The following LRRN2 variants were observed in gnomAD, a reference collection of about 807,000 sequenced individuals.
LRRN2 encodes the protein leucine rich repeat neuronal 2, also known as leucine-rich repeat neuronal protein 2.
In LRRN2, 10 loss-of-function variants were observed where a neutral mutation model predicts 35.7. The observed-to-expected ratio is 0.28, with a 90% confidence interval of 0.17 to 0.47. LRRN2 has a LOEUF of 0.47. Among genes scored for constraint, LRRN2 ranks in the 20% least tolerant of loss-of-function variants. The probability of loss-of-function intolerance (pLI) is 0.99; values close to 1 mark genes in which losing one functional copy is unlikely to be tolerated. For missense variants in LRRN2, 731 were observed against 940.3 expected (o/e 0.78, Z 2.91); for synonymous variants, 391 against 409.6 (o/e 0.95, Z 0.55).
intron 1 of LRRN2, among the ~76,000 whole-genome samples, chr1:204,672,603 G>T (rs1668737337): frequency 6.6e-6 from 1 of 152,218 alleles, no homozygotes; most frequent in South Asian, 2.1e-4. Context: ...CATGGAGGCT[G>T]ATAGAAGAAC....
Position 204,617,522 on chromosome 1 carries a change from GA to G in LRRN2, c.*328del. The G allele has an allele frequency of 2.9e-6, 1 of 340,034 alleles. No individual in the cohort carries two copies. Among genetic ancestry groups the G allele is most frequent in the Non-Finnish European group, 5.4e-6 (1 of 184,058 alleles). 21.1% of individuals were successfully genotyped at this position (340,034 alleles called of 1,614,324 possible). On this transcript the variant is annotated 3_prime_UTR_variant, in exon 2 of 2. Coordinates refer to ENST00000367177, the MANE Select transcript of LRRN2 (RefSeq NM_201630.2). ...AGAAGAGGAAGGGGTGCAGCCCGGG[GA>G]CACAGGTAGGGGACAGCCAAGCCAG...
chr1:204,639,130 G>A (rs1462025369), intron 1 of LRRN2, among the ~76,000 whole-genome samples: 1 of 152,228 alleles, frequency 6.6e-6, no homozygotes, highest in African/African-American at 2.4e-5. Context: ...GGTCAGCCTG[G>A]CTTGATGGAG....
chr1:204,659,291 A>G (rs1668420163), intron 1 of LRRN2, among the ~76,000 whole-genome samples: 1 of 152,202 alleles, frequency 6.6e-6, no homozygotes, highest in Non-Finnish European at 1.5e-5. Flanking sequence ...GCTTAGCAAC[A>G]TCCACAATGG....
chr1:204,670,511 G>A (rs1369042618), intron 1 of LRRN2, among the ~76,000 whole-genome samples: 1 of 152,184 alleles, frequency 6.6e-6, no homozygotes, highest in African/African-American at 2.4e-5. Context: ...CTAGGAAGCT[G>A]GGTGTCATCT....
In LRRN2 at chr1:204,618,691, C is replaced by T. The variant is rs777855519; in HGVS notation, c.1302G>A (p.Gln434=). 3 of 1,599,396 alleles carry T rather than the reference C, an allele frequency of 1.9e-6. No homozygotes were observed. Among genetic ancestry groups the T allele is most frequent in the African/African-American group, 2.7e-5 (2 of 74,784 alleles). ...ISPRSFPPSL[Q]VASGESMVLH... is the part of the protein sequence containing the mutation. ...GCACCATGCTCTCTCCACTGGCTAC[C>T]TGGAGGCTTGGGGGGAAGCTTCGTG... The change falls in exon 2 of 2, where the codon CAG becomes CAA. Residue 434 remains glutamine, a synonymous_variant. Coordinates refer to ENST00000367177, the MANE Select transcript of LRRN2 (RefSeq NM_201630.2).
rs189983574 is a variant in LRRN2 at position 204,652,778 on chromosome 1, T to C, written c.-227+32542A>G. On this transcript the variant is annotated intron_variant, in intron 1 of 1. Coordinates refer to ENST00000367177, the MANE Select transcript of LRRN2 (RefSeq NM_201630.2). ...AGGGTGGAGCCCGGACACCTGCAGA[T>C]TGAACAGCTTCCAAGCAGGTGATTC... is the stretch of plus-strand genomic sequence containing the variant. Among the ~76,000 whole-genome samples the C allele has an allele frequency of 3.5e-4, 53 of 152,278 alleles. 2 individuals carry two copies. Among genetic ancestry groups the C allele is most frequent in the Admixed American group, 1.8e-3 (27 of 15,300 alleles).
At position 204,619,008 on chromosome 1, in the gene LRRN2, G is replaced by A. The variant is rs745491741; in HGVS notation, c.985C>T (p.Arg329Cys). The A allele has an allele frequency of 6.9e-5, 111 of 1,611,092 alleles. 1 individual carries two copies. The highest frequency in any genetic ancestry group is 4.2e-4 in the South Asian group (38 of 90,854). Residue 329 changes from arginine (R) to cysteine (C), a missense_variant, in exon 2 of 2, where the codon CGC becomes TGC. By Grantham distance (180) the Arg-to-Cys change is radical. Around this residue, in one of 3 missense-constraint regions of LRRN2, gnomAD observed 256 missense variants for 392.4 expected, o/e 0.65. Transcript: ENST00000367177. ...NNPRLSFIHPRAFHHLPQMET... is the reference protein window; with the variant it reads ...NNPRLSFIHPCAFHHLPQMET... ...ATCTGGGGCAGGTGGTGGAAGGCGCGGGGGTGGATGAAGGACAGCCGTGGG... is the reference window on the plus strand; with the variant it reads ...ATCTGGGGCAGGTGGTGGAAGGCGCAGGGGTGGATGAAGGACAGCCGTGGG...
At chr1:204,683,304 C>T (rs1052412870) in intron 1 of LRRN2, among the ~76,000 whole-genome samples, 1 of 152,108 alleles carries the variant, frequency 6.6e-6, no homozygotes, top group African/African-American at 2.4e-5. Context: ...CTGCAGTTTA[C>T]AGGAGAAGCA....
At chr1:204,628,557 TG>T in intron 1 of LRRN2, 1 of 152,388 alleles carries the variant, frequency 6.6e-6, no homozygotes, top group Admixed American at 6.5e-5. Context: ...CACATTTCCC[TG>T]GGGGCGCTTC....
At chr1:204,657,061 T>C (rs1558417627) in intron 1 of LRRN2, among the ~76,000 whole-genome samples, 1 of 152,138 alleles carries the variant, frequency 6.6e-6, no homozygotes, top group Non-Finnish European at 1.5e-5. Flanking sequence ...TCCCAGCACT[T>C]TGAGAACCGA....
intron 1 of LRRN2, among the ~76,000 whole-genome samples, chr1:204,663,465 C>A (rs1402969616): frequency 1.3e-5 from 2 of 152,168 alleles, no homozygotes; most frequent in Non-Finnish European, 2.9e-5. Flanking sequence ...ATAGTGGCAG[C>A]CATCACAGGC....
intron 1 of LRRN2, among the ~76,000 whole-genome samples, chr1:204,676,139 C>T (rs1349768173): frequency 1.3e-5 from 2 of 148,872 alleles, no homozygotes; most frequent in African/African-American, 5.0e-5. Context: ...TACATGGAGC[C>T]GTGTGTGTGT....
rs60084787 is a variant in LRRN2 at position 204,671,403 on chromosome 1, T to TTGTG, written c.-227+13913_-227+13916dup. On this transcript the variant is annotated intron_variant, in intron 1 of 1. Coordinates refer to ENST00000367177, the MANE Select transcript of LRRN2 (RefSeq NM_201630.2). ...TAGAAGTAGCAATCTGTTTGTGTGT[T>TTGTG]TGTGTGTGTGTGTGTGTGTGTGTGT... 1.2e-3 allele frequency among the ~76,000 whole-genome samples: 145 copies of TTGTG among 122,982 alleles called. 1 individual carries two copies. The highest frequency in any genetic ancestry group is 8.2e-3 in the Middle Eastern group (2 of 244). 80.7% of individuals were successfully genotyped at this position (122,982 alleles called of 152,430 possible). A position where few individuals can be genotyped will look rare whatever the true frequency, so the allele number is the denominator to read the frequency against.
At chr1:204,645,892 A>T (rs990071355) in intron 1 of LRRN2, among the ~76,000 whole-genome samples, 2 of 152,154 alleles carry the variant, frequency 1.3e-5, no homozygotes, top group African/African-American at 4.8e-5. Context: ...AATTACCACC[A>T]CTTGGTCCCA....
chr1:204,654,810 A>G (rs992865362), intron 1 of LRRN2, among the ~76,000 whole-genome samples: 4 of 152,180 alleles, frequency 2.6e-5, no homozygotes, highest in Admixed American at 6.5e-5. Flanking sequence ...CTCCACCCTC[A>G]ATAACATTAC....
chr1:204,647,826 G>A (rs1668143503), intron 1 of LRRN2, among the ~76,000 whole-genome samples: 2 of 152,122 alleles, frequency 1.3e-5, no homozygotes, highest in South Asian at 4.1e-4. Context: ...GAGATGTGCT[G>A]GACATGTAAA....
chr1:204,647,736 C>T (rs1668141150), intron 1 of LRRN2, among the ~76,000 whole-genome samples: 1 of 152,144 alleles, frequency 6.6e-6, no homozygotes, highest in Non-Finnish European at 1.5e-5. Flanking sequence ...GGAGCAGTAT[C>T]AAGAACAAAG....
intron 1 of LRRN2, chr1:204,682,820 T>C (rs1668983312): frequency 6.6e-6 from 1 of 152,178 alleles, no homozygotes; most frequent in Non-Finnish European, 1.5e-5. Context: ...ACCTGGCATG[T>C]TAGAGGTCAC....
chr1:204,683,451 AAGG>A (rs1196517232), intron 1 of LRRN2, among the ~76,000 whole-genome samples: 2 of 151,068 alleles, frequency 1.3e-5, no homozygotes, highest in Non-Finnish European at 2.9e-5. Context: ...AGAGTGAAGG[AAGG>A]AGAGGAGGAT....
Sources: allele counts gnomAD v4.1 joint callset (sites outside exome capture counted in the v4.1 genomes callset), GRCh38; gene constraint gnomAD v4.1.1; regional missense constraint gnomAD v4.1.1; transcripts MANE v1.5; gene names NCBI Gene and HGNC (gene_info 2026-07-23, HGNC 2026-07-21).